The following BCAS3 variants were observed in gnomAD, a reference collection of about 807,000 sequenced individuals.
BCAS3 encodes the protein BCAS4/BCAS3 fusion.
A neutral mutation model predicts 116.1 loss-of-function variants in BCAS3; 53 were observed. The ratio of observed to expected loss-of-function variants is 0.46; its 90% CI spans 0.37 to 0.57. BCAS3 has a LOEUF of 0.57. Ranked by LOEUF, BCAS3 falls within the 20% of genes least tolerant of loss-of-function variation. BCAS3 has a pLI of 0.00. For synonymous variants in BCAS3, 391 were observed against 408.2 expected (o/e 0.96, Z 0.51); for missense variants, 917 against 1,165.4 (o/e 0.79, Z 3.10).
intron 22 of BCAS3, among the ~76,000 whole-genome samples, chr17:61,109,094 G>A (rs2074877889): frequency 6.6e-6 from 1 of 151,254 alleles, no homozygotes; most frequent in Non-Finnish European, 1.5e-5. Flanking sequence ...GCTGAGGCAT[G>A]AGAATCACTT....
intron 13 of BCAS3, among the ~76,000 whole-genome samples, chr17:60,945,497 T>G (rs2060436852): frequency 6.6e-6 from 1 of 152,170 alleles, no homozygotes; most frequent in Non-Finnish European, 1.5e-5. Flanking sequence ...ATTAATAGAA[T>G]AGAACTTCAA....
chr17:61,287,610 C>T (rs563541028), intron 22 of BCAS3, among the ~76,000 whole-genome samples: 122 of 151,962 alleles, frequency 8.0e-4, no homozygotes, highest in Non-Finnish European at 1.4e-3. Flanking sequence ...CCTACAGTCC[C>T]AGCTACTACT....
chr17:61,044,005 G>A (rs892985409), intron 19 of BCAS3, among the ~76,000 whole-genome samples: 2 of 151,926 alleles, frequency 1.3e-5, no homozygotes, highest in Non-Finnish European at 2.9e-5. Context: ...TCAGTGATTC[G>A]CTAGAAAATG....
chr17:61,054,495 T>C (rs1391835965), intron 19 of BCAS3, among the ~76,000 whole-genome samples: 1 of 152,196 alleles, frequency 6.6e-6, no homozygotes, highest in Non-Finnish European at 1.5e-5. Flanking sequence ...GCCTCCTAAG[T>C]AGCTGGGACT....
rs2066725503 is a variant in BCAS3, at chr17:61,032,597, C to T, written c.1638-2069C>T. 6.6e-6 allele frequency among the ~76,000 whole-genome samples: 1 copy of T among 152,074 alleles called. No homozygotes were observed. Among genetic ancestry groups the T allele is most frequent in the Non-Finnish European group, 1.5e-5 (1 of 68,004 alleles). ...TAACCAGAAAGAACAATTCTGATGC[C>T]AGTGACCCAGATATCATGGGAAGGT... On this transcript the variant is annotated intron_variant, in intron 16 of 23. Coordinates refer to ENST00000407086, the MANE Select transcript of BCAS3 (RefSeq NM_017679.5). The surrounding 1 kb of genome is among the most constrained non-coding windows in gnomAD (Gnocchi z 4.6).
chr17:60,747,206 T>C lies in BCAS3; in HGVS notation c.330T>C (p.Gly110=), dbSNP rs7501675. 1 allele frequency: 1,609,274 copies of C among 1,611,536 alleles called. 803,534 individuals carry two copies. The highest frequency in any genetic ancestry group is 1 in the East Asian group (44,858 of 44,858). Residue 110 remains glycine (G), a synonymous_variant, in exon 6 of 24, where the codon GGT becomes GGC. Coordinates refer to ENST00000407086, the MANE Select transcript of BCAS3 (RefSeq NM_017679.5). ...TTTCTTCTCTTATGCAGATCAGTGGTGAAGCACAAGAGCTCTTCTCTGTTC... is the reference window on the plus strand; with the variant it reads ...TTTCTTCTCTTATGCAGATCAGTGGCGAAGCACAAGAGCTCTTCTCTGTTC... ...GMQVWSIPIS[G]EAQELFSVRH...
chr17:60,729,132 G>A lies in BCAS3; in HGVS notation c.322-18066G>A, dbSNP rs570192848. 5.9e-5 allele frequency among the ~76,000 whole-genome samples: 9 copies of A among 152,140 alleles called. No homozygotes were observed. In the East Asian group the frequency reaches 9.7e-4, roughly 16 times the overall value. On this transcript the variant is annotated intron_variant, in intron 5 of 23. Coordinates refer to ENST00000407086, the MANE Select transcript of BCAS3 (RefSeq NM_017679.5). The stretch of plus-strand genomic sequence containing the variant: ...TTTGCTAAATATACTTTTTAGATTC[G>A]TCTGTGTTGTTGCTATATCATGGTA...
chr17:61,368,475 C>G lies in BCAS3; in HGVS notation c.2574C>G (p.Asp858Glu). The change falls in exon 23 of 24, where the codon GAC (aspartate) becomes GAG (glutamate). Residue 858 changes from aspartate (D) to glutamate (E), a missense_variant. Physicochemically the swap from Asp to Glu is conservative, Grantham distance 45. Transcript: ENST00000407086. The surrounding 1 kb of genome is among the most constrained non-coding windows in gnomAD (Gnocchi z 6.0). ...ADAMAESPSRDVVGSGTELQR... is the reference protein window; with the variant it reads ...ADAMAESPSREVVGSGTELQR... ...CCATGGCCGAGTCACCTAGCCGGGACGTCGTGGGATCCGGAACAGGTAAAG... is the reference window on the plus strand; with the variant it reads ...CCATGGCCGAGTCACCTAGCCGGGAGGTCGTGGGATCCGGAACAGGTAAAG... 1.9e-6 allele frequency: 3 copies of G among 1,607,594 alleles called. No homozygotes were observed. Among genetic ancestry groups the G allele is most frequent in the Non-Finnish European group, 2.6e-6 (3 of 1,174,750 alleles).
At chr17:61,341,190 A>G (rs772255169) in intron 22 of BCAS3, among the ~76,000 whole-genome samples, 1 of 152,178 alleles carries the variant, frequency 6.6e-6, no homozygotes, top group Non-Finnish European at 1.5e-5. Flanking sequence ...AAGAAGGGGC[A>G]GTGGGTGGAA....
At chr17:60,716,741 G>C (rs1258763567) in intron 5 of BCAS3, among the ~76,000 whole-genome samples, 1 of 151,754 alleles carries the variant, frequency 6.6e-6, no homozygotes, top group African/African-American at 2.4e-5. Flanking sequence ...ATAATATTGA[G>C]ATAAATATCT....
intron 5 of BCAS3, among the ~76,000 whole-genome samples, chr17:60,715,627 T>C (rs2038507113): frequency 6.6e-6 from 1 of 151,930 alleles, no homozygotes; most frequent in South Asian, 2.1e-4. Flanking sequence ...TAGCTGGGAT[T>C]ACAGGTGCAC....
intron 22 of BCAS3, among the ~76,000 whole-genome samples, chr17:61,268,289 T>C (rs2049932430): frequency 6.6e-6 from 1 of 152,194 alleles, no homozygotes; most frequent in South Asian, 2.1e-4. Context: ...AATTTTACAG[T>C]CAATGATAGT....
At chr17:60,750,094 G>T (rs2042325956) in intron 6 of BCAS3, among the ~76,000 whole-genome samples, 1 of 151,924 alleles carries the variant, frequency 6.6e-6, no homozygotes, top group African/African-American at 2.4e-5. Context: ...TTGAACTTGG[G>T]AGGCAGAGGT....
chr17:60,834,491 A>G (rs968259971), intron 7 of BCAS3, among the ~76,000 whole-genome samples: 3 of 151,978 alleles, frequency 2.0e-5, no homozygotes, highest in Admixed American at 6.6e-5. Context: ...TTACTTTGAA[A>G]TGTTTAGTGA....
Position 61,156,167 on chromosome 17 carries a change from A to G in BCAS3, c.2425+71603A>G, listed in dbSNP as rs1490646645. Among the ~76,000 whole-genome samples, 1 of 144,778 alleles carries G rather than the reference A, an allele frequency of 6.9e-6. No homozygotes were observed. Among genetic ancestry groups the G allele is most frequent in the Middle Eastern group, 3.2e-3 (1 of 312 alleles). 95.0% of individuals were successfully genotyped at this position (144,778 alleles called of 152,430 possible). ...GACAGAGAAAGACAGTCAGCCAGAC[A>G]CATTAAAAAAAAAAAAAAGAAAAGT... On this transcript the variant is annotated intron_variant, in intron 22 of 23. Transcript: ENST00000407086. The surrounding 1 kb of genome is among the most constrained non-coding windows in gnomAD (Gnocchi z 4.7).
chr17:61,154,303 ATT>A (rs1357512105), intron 22 of BCAS3, among the ~76,000 whole-genome samples: 1 of 152,080 alleles, frequency 6.6e-6, no homozygotes, highest in Non-Finnish European at 1.5e-5. Flanking sequence ...TGATGCAACT[ATT>A]TCTAAACCTT....
intron 7 of BCAS3, among the ~76,000 whole-genome samples, chr17:60,809,750 CA>C (rs1266628460): frequency 7.9e-5 from 12 of 152,190 alleles, no homozygotes; most frequent in Non-Finnish European, 1.2e-4. Context: ...AAAAAGGGTC[CA>C]GGGGGAAGAA....
At chr17:61,075,743 C>A (rs932255525) in intron 20 of BCAS3, among the ~76,000 whole-genome samples, 2 of 152,138 alleles carry the variant, frequency 1.3e-5, no homozygotes, top group African/African-American at 4.8e-5. Context: ...CAACATTTTC[C>A]GAAGATTGAG....
At chr17:60,682,053 A>G (rs2143800487) in intron 2 of BCAS3, among the ~76,000 whole-genome samples, 1 of 152,158 alleles carries the variant, frequency 6.6e-6, no homozygotes, top group South Asian at 2.1e-4. Flanking sequence ...TTTGGTAGAG[A>G]TGGGGTTTCA....
Sources: gnomAD v4.1 joint callset for allele counts (sites outside exome capture counted in the v4.1 genomes callset) on GRCh38, gnomAD v4.1.1 for gene constraint, Gnocchi (gnomAD v3.1) non-coding constraint, MANE v1.5 for transcripts, NCBI Gene and HGNC (gene_info 2026-07-23, HGNC 2026-07-21) for gene names.